The following MAPK8 variants were observed in gnomAD, a reference collection of about 807,000 sequenced individuals.
MAPK8 encodes the protein JUN N-terminal kinase.
Under a neutral mutation model 52.9 loss-of-function variants are expected in MAPK8, and 13 were observed. The ratio of observed to expected loss-of-function variants is 0.25; its 90% CI spans 0.16 to 0.39. The LOEUF (loss-of-function observed/expected upper bound fraction) is 0.39. Among genes scored for constraint, MAPK8 ranks in the 10% least tolerant of loss-of-function variants. The pLI is 1.00. For synonymous variants in MAPK8, 191 were observed against 169.8 expected, an observed-to-expected ratio of 1.12 and a Z score of -0.97; for missense variants, 300 against 519.2, an observed-to-expected ratio of 0.58 and a Z score of 4.10.
intron 1 of MAPK8, among the ~76,000 whole-genome samples, chr10:48,330,637 C>G (rs1402562732): frequency 1.3e-5 from 2 of 152,200 alleles, no homozygotes; most frequent in Non-Finnish European, 2.9e-5. Context: ...GATCAGGTGT[C>G]TGGTAGGCAG....
chr10:48,318,546 C>T (rs1842712184), intron 1 of MAPK8, among the ~76,000 whole-genome samples: 1 of 152,110 alleles, frequency 6.6e-6, no homozygotes, highest in South Asian at 2.1e-4. Context: ...ATGCCATGGT[C>T]AGAGTGGAAT....
intron 5 of MAPK8, among the ~76,000 whole-genome samples, chr10:48,419,904 A>G (rs2133183775): frequency 6.6e-6 from 1 of 152,326 alleles, no homozygotes; most frequent in African/African-American, 2.4e-5. Flanking sequence ...AAAAATGTCT[A>G]GCTAATCATA....
chr10:48,427,179 AG>A (rs1302602891), intron 10 of MAPK8, 36 bp downstream of exon 10: 2 of 1,526,276 alleles, frequency 1.3e-6, no homozygotes, highest in East Asian at 2.3e-5. Context: ...AAAACTGTGA[AG>A]GAGCTTCTGG....
chr10:48,396,882 G>A (rs920877857), intron 1 of MAPK8, among the ~76,000 whole-genome samples: 2 of 152,130 alleles, frequency 1.3e-5, no homozygotes, highest in African/African-American at 4.8e-5. Context: ...TTTGTCAGAT[G>A]TTTTACAACT....
intron 1 of MAPK8, among the ~76,000 whole-genome samples, chr10:48,357,017 T>TAA (rs1847045039): frequency 6.6e-6 from 1 of 151,842 alleles, no homozygotes; most frequent in African/African-American, 2.4e-5. Flanking sequence ...TTTGCACTGA[T>TAA]AAAAGGTAAC....
chr10:48,325,141 A>C (rs1177481221), intron 1 of MAPK8, among the ~76,000 whole-genome samples: 1 of 151,870 alleles, frequency 6.6e-6, no homozygotes, highest in Non-Finnish European at 1.5e-5. Flanking sequence ...ATGCCTGGCT[A>C]ATTTTCATAT....
At chr10:48,329,607 A>G (rs1336979164) in intron 1 of MAPK8, among the ~76,000 whole-genome samples, 2 of 152,220 alleles carry the variant, frequency 1.3e-5, no homozygotes, top group Non-Finnish European at 2.9e-5. Context: ...AAAACACTTC[A>G]TAAGGCACAG....
At chr10:48,332,812 C>T (rs917558491) in intron 1 of MAPK8, among the ~76,000 whole-genome samples, 1 of 152,162 alleles carries the variant, frequency 6.6e-6, no homozygotes, top group Admixed American at 6.5e-5. Context: ...CCCACTCTGT[C>T]CAGATTTTTC....
intron 1 of MAPK8, among the ~76,000 whole-genome samples, chr10:48,375,942 G>A (rs2040632654): frequency 6.6e-6 from 1 of 152,066 alleles, no homozygotes; most frequent in African/African-American, 2.4e-5. Flanking sequence ...ACAATCCTAA[G>A]CAAAAAGAAC....
intron 1 of MAPK8, among the ~76,000 whole-genome samples, chr10:48,351,094 GC>G: frequency 6.6e-6 from 1 of 151,960 alleles, no homozygotes; most frequent in East Asian, 1.9e-4. Context: ...AGAACTGCCA[GC>G]CACTGCTCAA....
intron 1 of MAPK8, among the ~76,000 whole-genome samples, chr10:48,324,242 G>A (rs759552489): frequency 6.6e-6 from 1 of 152,174 alleles, no homozygotes; most frequent in Non-Finnish European, 1.5e-5. Context: ...AGGTCAGTTT[G>A]TGCTGCAACC....
At chr10:48,428,342 C>T (rs904470683) in intron 10 of MAPK8, among the ~76,000 whole-genome samples, 3 of 152,098 alleles carry the variant, frequency 2.0e-5, no homozygotes, top group Non-Finnish European at 4.4e-5. Context: ...TTTGTAACTG[C>T]GTGACTTTGA....
chr10:48,319,397 A>G (rs1244930503), intron 1 of MAPK8, among the ~76,000 whole-genome samples: 1 of 151,690 alleles, frequency 6.6e-6, no homozygotes, highest in Non-Finnish European at 1.5e-5. Flanking sequence ...ACTAGCAGTC[A>G]CTCCCCATTT....
intron 1 of MAPK8, among the ~76,000 whole-genome samples, chr10:48,321,691 G>C (rs187527149): frequency 3.3e-5 from 5 of 152,200 alleles, no homozygotes; most frequent in Non-Finnish European, 5.9e-5. Flanking sequence ...ATGGTGTATG[G>C]TATAAGGAAG....
chr10:48,373,598 A>AAAAAAAAAAAAC, intron 1 of MAPK8, among the ~76,000 whole-genome samples: 1 of 147,504 alleles, frequency 6.8e-6, no homozygotes, highest in African/African-American at 2.5e-5. Context: ...AAAAAAAAAA[A>AAAAAAAAAAAAC]GCCAGGGTTG....
chr10:48,381,170 TACAA>T (rs1314335158), intron 1 of MAPK8, among the ~76,000 whole-genome samples: 1 of 152,210 alleles, frequency 6.6e-6, no homozygotes, highest in Admixed American at 6.5e-5. Flanking sequence ...AATAAAATCT[TACAA>T]TAAACAGATC....
intron 3 of MAPK8, among the ~76,000 whole-genome samples, chr10:48,409,364 G>GTGTTACCTTATTTTGTGAGA (rs1447410473): frequency 1.3e-5 from 2 of 152,174 alleles, no homozygotes; most frequent in Non-Finnish European, 2.9e-5. Context: ...AATGAATTCA[G>GTGTTACCTTATTTTGTGAGA]TGTTACCTTA....
chr10:48,324,759 T>G (rs1843334462), intron 1 of MAPK8, among the ~76,000 whole-genome samples: 1 of 152,106 alleles, frequency 6.6e-6, no homozygotes, highest in South Asian at 2.1e-4. Context: ...TTGCCTAAAG[T>G]GTGATCATTT....
At position 48,409,911 on chromosome 10, in the gene MAPK8, G is replaced by A. The variant is rs770018488; in HGVS notation, c.285G>A (p.Gln95=). The A allele has an allele frequency of 6.2e-7, 1 of 1,611,664 alleles. No homozygotes were observed. The highest frequency in any genetic ancestry group is 1.7e-5 in the Admixed American group (1 of 59,926). Residue 95 remains glutamine (Q), a synonymous_variant, in exon 4 of 12, where the codon CAG becomes CAA. Transcript: ENST00000374189. ...IIGLLNVFTP[Q]KSLEEFQDVY... ...GCCTTTTGAATGTTTTCACACCACA[G>A]AAATCCCTAGAAGAATTTCAAGATG...
Sources: allele counts gnomAD v4.1 joint callset (sites outside exome capture counted in the v4.1 genomes callset), GRCh38; gene constraint gnomAD v4.1.1; transcripts MANE v1.5; gene names NCBI Gene and HGNC (gene_info 2026-07-23, HGNC 2026-07-21).